Variants in SCHIP1 observed in about 807,000 individuals in gnomAD.
SCHIP1 encodes the protein schwannomin-interacting protein 1.
In SCHIP1, 8 loss-of-function variants were observed where a neutral mutation model predicts 29.7. The ratio of observed to expected loss-of-function variants is 0.27; its 90% CI spans 0.16 to 0.49. The LOEUF (loss-of-function observed/expected upper bound fraction) is 0.49, where lower values mean the gene tolerates loss of function less well. Among genes scored for constraint, SCHIP1 ranks in the 20% least tolerant of loss-of-function variants. The pLI is 0.99. For missense variants in SCHIP1, 193 were observed against 294.6 expected (o/e 0.66, Z 2.52); for synonymous variants, 76 against 94.9 (o/e 0.80, Z 1.16).
the SCHIP1 span, among the ~76,000 whole-genome samples, chr3:159,556,961 G>C: frequency 6.7e-6 from 1 of 150,054 alleles, no homozygotes; most frequent in Non-Finnish European, 1.5e-5. Context: ...AAAAAAAAAA[G>C]ATTTTTTTTT....
At chr3:159,338,224 TG>T in the SCHIP1 span, among the ~76,000 whole-genome samples, 1 of 152,278 alleles carries the variant, frequency 6.6e-6, no homozygotes, top group East Asian at 1.9e-4. Flanking sequence ...AAATGCAAAG[TG>T]TTATAAACAA....
At chr3:159,857,969 G>GT (rs1182257636) in intron 1 of SCHIP1, among the ~76,000 whole-genome samples, 1 of 152,108 alleles carries the variant, frequency 6.6e-6, no homozygotes, top group Admixed American at 6.5e-5. Flanking sequence ...CTGGCCATGA[G>GT]TCTGTGTCCA....
the SCHIP1 span, among the ~76,000 whole-genome samples, chr3:159,482,788 A>G: frequency 1.3e-4 from 20 of 152,098 alleles, no homozygotes; most frequent in African/African-American, 4.3e-4. Flanking sequence ...ACACTCTCCA[A>G]CTACCACCTC....
chr3:159,454,075 GC>G, the SCHIP1 span, among the ~76,000 whole-genome samples: 1 of 152,292 alleles, frequency 6.6e-6, no homozygotes, highest in Admixed American at 6.5e-5. Context: ...AAAATTCACA[GC>G]TGATTTTGTT....
At chr3:159,424,460 T>C in the SCHIP1 span, among the ~76,000 whole-genome samples, 1 of 151,806 alleles carries the variant, frequency 6.6e-6, no homozygotes, top group African/African-American at 2.4e-5. Context: ...ATGAAATGAA[T>C]GAAATGAAGT....
At chr3:159,799,439 C>T in the SCHIP1 span, among the ~76,000 whole-genome samples, 1 of 152,224 alleles carries the variant, frequency 6.6e-6, no homozygotes, top group African/African-American at 2.4e-5. Context: ...ACCTGGCACA[C>T]AAAATATATG....
the SCHIP1 span, among the ~76,000 whole-genome samples, chr3:159,561,552 T>A: frequency 1.3e-5 from 2 of 152,160 alleles, no homozygotes; most frequent in Non-Finnish European, 2.9e-5. Context: ...AAATTGCACG[T>A]AGATCAAATT....
the SCHIP1 span, among the ~76,000 whole-genome samples, chr3:159,576,298 A>C: frequency 2.6e-5 from 4 of 152,198 alleles, no homozygotes; most frequent in African/African-American, 9.7e-5. Context: ...ATAATGGGTT[A>C]ACAGATATTT....
At chr3:159,620,968 C>T in the SCHIP1 span, among the ~76,000 whole-genome samples, 1 of 152,132 alleles carries the variant, frequency 6.6e-6, no homozygotes, top group Non-Finnish European at 1.5e-5. Flanking sequence ...CTGGTATTTG[C>T]ACAAATATGT....
the SCHIP1 span, among the ~76,000 whole-genome samples, chr3:159,718,535 C>G: frequency 2.0e-5 from 3 of 152,194 alleles, no homozygotes; most frequent in East Asian, 3.8e-4. Flanking sequence ...TCAGCAAAGT[C>G]TCAGGATAGA....
chr3:159,860,938 A>G (rs1170150796), intron 1 of SCHIP1, among the ~76,000 whole-genome samples: 1 of 152,030 alleles, frequency 6.6e-6, no homozygotes, highest in Non-Finnish European at 1.5e-5. Flanking sequence ...GGGTTTCATC[A>G]TCTGTGCAGG....
At chr3:159,788,429 G>A in the SCHIP1 span, among the ~76,000 whole-genome samples, 1 of 151,838 alleles carries the variant, frequency 6.6e-6, no homozygotes, top group Non-Finnish European at 1.5e-5. Flanking sequence ...CGAGTGTAGA[G>A]CGTTCTTTCA....
chr3:159,508,638 A>C, the SCHIP1 span, among the ~76,000 whole-genome samples: 2 of 152,144 alleles, frequency 1.3e-5, no homozygotes, highest in African/African-American at 4.8e-5. Context: ...CACTGCTCTA[A>C]ATATGTTCCA....
At chr3:159,503,265 G>T in the SCHIP1 span, among the ~76,000 whole-genome samples, 1 of 152,078 alleles carries the variant, frequency 6.6e-6, no homozygotes, top group Non-Finnish European at 1.5e-5. Context: ...TAAACTATTT[G>T]TTCTTTTCCT....
At chr3:159,395,243 T>G in the SCHIP1 span, among the ~76,000 whole-genome samples, 31 of 152,278 alleles carry the variant, frequency 2.0e-4, no homozygotes, top group Admixed American at 9.2e-4. Flanking sequence ...GCGGTCTATC[T>G]ATTTTGTTGA....
At chr3:159,601,996 G>C in the SCHIP1 span, among the ~76,000 whole-genome samples, 7 of 152,182 alleles carry the variant, frequency 4.6e-5, no homozygotes, top group African/African-American at 1.7e-4. Context: ...GGGAGGGTGA[G>C]TAACCCAGAA....
the SCHIP1 span, among the ~76,000 whole-genome samples, chr3:159,684,391 A>G: frequency 0.16 from 24,460 of 152,138 alleles, 2,124 homozygotes; most frequent in Middle Eastern, 0.24. Context: ...CACTGTGGCC[A>G]GGTGTAATGT....
the SCHIP1 span, among the ~76,000 whole-genome samples, chr3:159,365,173 G>T: frequency 6.6e-6 from 1 of 152,150 alleles, no homozygotes; most frequent in Admixed American, 6.5e-5. Flanking sequence ...CAGAGAGACG[G>T]CAGTCTTGAC....
At chr3:159,492,373 T>G in the SCHIP1 span, among the ~76,000 whole-genome samples, 1 of 152,008 alleles carries the variant, frequency 6.6e-6, no homozygotes, top group Admixed American at 6.6e-5. Flanking sequence ...GACAAATGGG[T>G]AATTAGAATA....
Sources: allele counts gnomAD v4.1 joint callset (sites outside exome capture counted in the v4.1 genomes callset), GRCh38; gene constraint gnomAD v4.1.1; transcripts MANE v1.5; gene names NCBI Gene and HGNC (gene_info 2026-07-23, HGNC 2026-07-21).